Variants in MTUS2 observed in about 807,000 individuals in gnomAD.
The protein encoded by MTUS2 is microtubule-associated tumor suppressor candidate 2.
A neutral mutation model predicts 114.1 loss-of-function variants in MTUS2; 40 were observed. The ratio of observed to expected loss-of-function variants is 0.35; its 90% CI spans 0.27 to 0.46. The LOEUF (loss-of-function observed/expected upper bound fraction) is 0.46. Among genes scored for constraint, MTUS2 ranks in the 20% least tolerant of loss-of-function variants. The pLI, the probability that MTUS2 is intolerant of heterozygous loss-of-function variation, is 1.00. For synonymous variants in MTUS2, 688 were observed against 672.0 expected (o/e 1.02, Z -0.37); for missense variants, 1,679 against 1,705.4 (o/e 0.98, Z 0.27).
At chr13:29,398,467 T>TAAAAAAAAAA (rs34771582) in intron 8 of MTUS2, among the ~76,000 whole-genome samples, 1 of 83,176 alleles carries the variant, frequency 1.2e-5, no homozygotes. Flanking sequence ...GTCTCAAAAT[T>TAAAAAAAAAA]AAAAAAAAAA....
intron 6 of MTUS2, among the ~76,000 whole-genome samples, chr13:29,285,013 T>G (rs1898419042): frequency 1.3e-5 from 2 of 151,716 alleles, no homozygotes; most frequent in Non-Finnish European, 2.9e-5. Context: ...GCTAGCTGGC[T>G]AAGAAGAATA....
At chr13:29,442,186 G>C (rs71434727) in intron 9 of MTUS2, among the ~76,000 whole-genome samples, 2 of 152,194 alleles carry the variant, frequency 1.3e-5, no homozygotes. Context: ...GGGCAGCTCA[G>C]AGGCCTAGGG....
At chr13:29,392,648 C>G (rs1005270565) in intron 8 of MTUS2, among the ~76,000 whole-genome samples, 2 of 152,186 alleles carry the variant, frequency 1.3e-5, no homozygotes, top group Non-Finnish European at 2.9e-5. Flanking sequence ...GCTCCTAGCT[C>G]AGCAACTGGT....
At chr13:28,938,610 CAT>C (rs1410369288) in intron 2 of MTUS2, among the ~76,000 whole-genome samples, 6 of 152,046 alleles carry the variant, frequency 3.9e-5, no homozygotes, top group South Asian at 2.1e-4. Flanking sequence ...TGCTTACTAA[CAT>C]GTGGTACCCA....
intron 4 of MTUS2, among the ~76,000 whole-genome samples, chr13:29,087,224 T>A (rs145895064): frequency 6.6e-6 from 1 of 152,214 alleles, no homozygotes; most frequent in Non-Finnish European, 1.5e-5. Context: ...TTCAGTATGA[T>A]GTTGGCTGTG....
intron 5 of MTUS2, among the ~76,000 whole-genome samples, chr13:29,115,993 A>G (rs1024608022): frequency 6.6e-6 from 1 of 152,202 alleles, no homozygotes; most frequent in East Asian, 1.9e-4. Flanking sequence ...GCATTATAGG[A>G]TTGTTGCTGA....
intron 2 of MTUS2, among the ~76,000 whole-genome samples, chr13:28,865,194 C>T (rs980562268): frequency 6.6e-6 from 1 of 152,058 alleles, no homozygotes; most frequent in African/African-American, 2.4e-5. Context: ...CTCCTACGAC[C>T]CTTGAGATTC....
intron 5 of MTUS2, among the ~76,000 whole-genome samples, chr13:29,140,397 C>T (rs964125940): frequency 6.6e-6 from 1 of 152,210 alleles, no homozygotes; most frequent in African/African-American, 2.4e-5. Flanking sequence ...GTGGCCAATG[C>T]AAGCATGACT....
intron 5 of MTUS2, among the ~76,000 whole-genome samples, chr13:29,159,089 C>T (rs548638966): frequency 4.6e-5 from 7 of 152,214 alleles, no homozygotes; most frequent in African/African-American, 1.4e-4. Context: ...GGAGAATGTT[C>T]GTGATTGATA....
At chr13:29,377,200 T>C (rs886530677) in intron 8 of MTUS2, among the ~76,000 whole-genome samples, 4 of 152,186 alleles carry the variant, frequency 2.6e-5, no homozygotes, top group Non-Finnish European at 4.4e-5. Context: ...ACAGAAGTTG[T>C]AGGCAGAAAA....
At chr13:29,452,278 T>G (rs1878739040) in intron 9 of MTUS2, among the ~76,000 whole-genome samples, 1 of 152,240 alleles carries the variant, frequency 6.6e-6, no homozygotes, top group South Asian at 2.1e-4. Context: ...ACATATTTTT[T>G]GATATTTATA....
At chr13:29,336,433 C>A (rs1901066479) in intron 7 of MTUS2, among the ~76,000 whole-genome samples, 1 of 152,196 alleles carries the variant, frequency 6.6e-6, no homozygotes, top group Admixed American at 6.5e-5. Context: ...GCTGGAGGTC[C>A]ACTCCAGACC....
At chr13:29,362,277 G>A (rs1870324576) in intron 8 of MTUS2, among the ~76,000 whole-genome samples, 1 of 152,104 alleles carries the variant, frequency 6.6e-6, no homozygotes, top group African/African-American at 2.4e-5. Flanking sequence ...GAGCCACCAT[G>A]CCCAGCTGGC....
rs1366400072 is a variant in MTUS2, at chr13:29,247,511, A to G, written c.2645-34193A>G. On this transcript the variant is annotated intron_variant, in intron 5 of 15. Transcript: ENST00000612955. ...AAAATCTTTGCAAACTATGCATCTGATAAAGGACTAATAACCAGAATCTAC... is the reference window on the plus strand; with the variant it reads ...AAAATCTTTGCAAACTATGCATCTGGTAAAGGACTAATAACCAGAATCTAC... Among the ~76,000 whole-genome samples, 10 of 152,372 alleles carry G rather than the reference A, an allele frequency of 6.6e-5. No individual in the cohort carries two copies. The South Asian group carries it at 2.1e-3, about 32-fold the overall frequency.
intron 8 of MTUS2, among the ~76,000 whole-genome samples, chr13:29,375,910 T>G (rs989387087): frequency 6.6e-6 from 1 of 151,856 alleles, no homozygotes; most frequent in Admixed American, 6.6e-5. Context: ...ACTCAGGTGA[T>G]GGGTGCACCA....
intron 5 of MTUS2, among the ~76,000 whole-genome samples, chr13:29,139,756 T>C (rs1892137804): frequency 6.6e-6 from 1 of 152,238 alleles, no homozygotes; most frequent in Non-Finnish European, 1.5e-5. Context: ...TTAACTGGTT[T>C]TAACACTTAC....
At chr13:29,112,778 A>G (rs2138869331) in intron 5 of MTUS2, among the ~76,000 whole-genome samples, 1 of 152,314 alleles carries the variant, frequency 6.6e-6, no homozygotes, top group Non-Finnish European at 1.5e-5. Flanking sequence ...AAACAAAGGC[A>G]TAAGGGATGA....
intron 5 of MTUS2, among the ~76,000 whole-genome samples, chr13:29,130,613 C>T (rs1052992093): frequency 1.3e-5 from 2 of 152,054 alleles, no homozygotes; most frequent in Non-Finnish European, 2.9e-5. Context: ...AATTTCTACA[C>T]ATTTATTTAT....
intron 5 of MTUS2, among the ~76,000 whole-genome samples, chr13:29,199,357 A>G (rs1894839241): frequency 1.3e-5 from 2 of 152,216 alleles, no homozygotes. Flanking sequence ...ATTTTGAGAT[A>G]TGTTCCATAA....
Sources: allele counts gnomAD v4.1 joint callset (sites outside exome capture counted in the v4.1 genomes callset), GRCh38; gene constraint gnomAD v4.1.1; transcripts MANE v1.5; gene names NCBI Gene and HGNC (gene_info 2026-07-23, HGNC 2026-07-21).